Variants in COP1 observed in about 807,000 individuals in gnomAD.
COP1 encodes E3 ubiquitin-protein ligase COP1.
Under a neutral mutation model 101.3 loss-of-function variants are expected in COP1, and 24 were observed. That is an observed-to-expected ratio of 0.24 (90% CI 0.17 to 0.33). The LOEUF (loss-of-function observed/expected upper bound fraction) is 0.33, where lower values mean the gene tolerates loss of function less well. COP1 is among the 10% of genes least tolerant of loss of function. The pLI is 1.00. For missense variants in COP1, 663 were observed against 906.2 expected (o/e 0.73, Z 3.45); for synonymous variants, 347 against 341.9 (o/e 1.01, Z -0.17).
intron 9 of COP1, among the ~76,000 whole-genome samples, chr1:176,099,890 C>T (rs1160878214): frequency 1.3e-5 from 2 of 152,086 alleles, no homozygotes; most frequent in Non-Finnish European, 2.9e-5. Flanking sequence ...AACTCACAGG[C>T]ATTTGAGGAT....
At chr1:176,004,640 A>G (rs1289284599) in intron 15 of COP1, among the ~76,000 whole-genome samples, 1 of 151,918 alleles carries the variant, frequency 6.6e-6, no homozygotes, top group Non-Finnish European at 1.5e-5. Flanking sequence ...CTCTGTTTAT[A>G]TGCTGGATTA....
At chr1:176,116,909 T>C (rs1391210826) in intron 8 of COP1, among the ~76,000 whole-genome samples, 1 of 152,136 alleles carries the variant, frequency 6.6e-6, no homozygotes, top group Non-Finnish European at 1.5e-5. Flanking sequence ...AACCAAGAAA[T>C]AATGTCAATA....
chr1:176,007,629 G>T (rs1473184159), intron 15 of COP1, among the ~76,000 whole-genome samples: 3 of 151,756 alleles, frequency 2.0e-5, no homozygotes, highest in Admixed American at 6.6e-5. Flanking sequence ...TGCCCCTGCT[G>T]GGGGGTGTCT....
chr1:176,001,455 A>G (rs1661576904), intron 15 of COP1, among the ~76,000 whole-genome samples: 1 of 152,132 alleles, frequency 6.6e-6, no homozygotes, highest in Non-Finnish European at 1.5e-5. Flanking sequence ...ACAGAATGCT[A>G]TGGACAGAAT....
intron 16 of COP1, 111 bp from the exon 17 acceptor site, chr1:175,988,523 C>T: frequency 9.5e-7 from 1 of 1,048,516 alleles, no homozygotes; most frequent in Middle Eastern, 2.2e-4. Flanking sequence ...GGCTCTGGAG[C>T]CAGACTGAGT....
At chr1:176,063,833 A>T (rs1675420319) in intron 11 of COP1, among the ~76,000 whole-genome samples, 1 of 152,216 alleles carries the variant, frequency 6.6e-6, no homozygotes, top group Non-Finnish European at 1.5e-5. Flanking sequence ...TAAAACCTGT[A>T]GCTCTCGTTA....
chr1:176,142,918 T>C (rs545864578), intron 6 of COP1, among the ~76,000 whole-genome samples: 2 of 151,808 alleles, frequency 1.3e-5, no homozygotes, highest in Admixed American at 6.6e-5. Flanking sequence ...ATAATCTGCA[T>C]AATAATATGC....
chr1:176,059,479 CT>C (rs919284941), intron 11 of COP1, among the ~76,000 whole-genome samples: 6 of 151,552 alleles, frequency 4.0e-5, no homozygotes, highest in African/African-American at 1.5e-4. Flanking sequence ...TTTGCAAAAT[CT>C]TTTTTCTTTC....
chr1:176,170,882 T>C (rs573153576), intron 3 of COP1, among the ~76,000 whole-genome samples: 9 of 152,066 alleles, frequency 5.9e-5, no homozygotes, highest in African/African-American at 2.2e-4. Context: ...TCCCAGCACT[T>C]TGGGAGGCCG....
At chr1:176,045,558 A>T (rs1374677192) in intron 12 of COP1, among the ~76,000 whole-genome samples, 2 of 149,704 alleles carry the variant, frequency 1.3e-5, no homozygotes, top group East Asian at 3.9e-4. Context: ...TCATGAGAAC[A>T]GCTTGGGAAG....
chr1:176,148,022 T>A (rs1408979209), intron 6 of COP1, among the ~76,000 whole-genome samples: 1 of 152,110 alleles, frequency 6.6e-6, no homozygotes, highest in Non-Finnish European at 1.5e-5. Flanking sequence ...CCATTTATAT[T>A]GCACCACCAG....
At chr1:175,997,498 A>G (rs1660472027) in intron 15 of COP1, among the ~76,000 whole-genome samples, 1 of 152,156 alleles carries the variant, frequency 6.6e-6, no homozygotes, top group East Asian at 1.9e-4. Flanking sequence ...CAACCTACTC[A>G]TCTGACAAAG....
At chr1:176,148,171 G>T (rs1231644472) in intron 6 of COP1, among the ~76,000 whole-genome samples, 1 of 151,896 alleles carries the variant, frequency 6.6e-6, no homozygotes, top group Non-Finnish European at 1.5e-5. Flanking sequence ...AGCAACAGTT[G>T]AGAATAAGAA....
chr1:176,079,192 G>T (rs950193978), intron 11 of COP1, among the ~76,000 whole-genome samples: 4 of 152,126 alleles, frequency 2.6e-5, no homozygotes, highest in Non-Finnish European at 5.9e-5. Flanking sequence ...GCACTGGTAT[G>T]TTCACTGCAG....
intron 12 of COP1, 23 bp downstream of exon 12, chr1:176,046,158 T>A: frequency 3.8e-6 from 6 of 1,582,936 alleles, no homozygotes; most frequent in Non-Finnish European, 5.2e-6. Flanking sequence ...TACTGCATCA[T>A]GTCAAGAAAA....
intron 14 of COP1, among the ~76,000 whole-genome samples, chr1:176,028,696 C>CATATATATGTATATATAT (rs1668115407): frequency 6.3e-5 from 3 of 47,906 alleles, no homozygotes; most frequent in Admixed American, 5.2e-4. Context: ...ATATTTGTTT[C>CATATATATGTATATATAT]ATATATATAT....
chr1:176,206,325 TC>T, intron 1 of COP1: 1 of 518,794 alleles, frequency 1.9e-6, no homozygotes, highest in Non-Finnish European at 3.4e-6. Context: ...TCCCTTCACT[TC>T]CTCCTCAGCA....
At chr1:176,191,953 T>A (rs538476851) in intron 1 of COP1, among the ~76,000 whole-genome samples, 119 of 152,206 alleles carry the variant, frequency 7.8e-4, no homozygotes, top group Admixed American at 2.6e-3. Context: ...AAATATTTTT[T>A]AAATAAGGAT....
intron 3 of COP1, among the ~76,000 whole-genome samples, chr1:176,173,085 G>C (rs1032587543): frequency 2.0e-5 from 3 of 152,086 alleles, no homozygotes; most frequent in African/African-American, 7.2e-5. Context: ...GGCCGAGGTG[G>C]GTGATCACGA....
Sources: allele counts gnomAD v4.1 joint callset (sites outside exome capture counted in the v4.1 genomes callset), GRCh38; gene constraint gnomAD v4.1.1; transcripts MANE v1.5; gene names NCBI Gene and HGNC (gene_info 2026-07-23, HGNC 2026-07-21).